The following TET3 variants were observed in gnomAD, a reference collection of about 807,000 sequenced individuals.
The protein encoded by TET3 is tet methylcytosine dioxygenase 3.
TET3 carries 19 observed loss-of-function variants against 141.4 expected under a neutral mutation model. The observed-to-expected ratio is 0.13, with a 90% CI of 0.09 to 0.20. The LOEUF (loss-of-function observed/expected upper bound fraction) is 0.20, where lower values mean the gene tolerates loss of function less well. Ranked by LOEUF, TET3 falls within the 10% of genes least tolerant of loss-of-function variation. The pLI, the probability that TET3 is intolerant of heterozygous loss-of-function variation, is 1.00. For missense variants in TET3, 1,874 were observed against 2,356.9 expected, an observed-to-expected ratio of 0.80 and a Z score of 4.24; for synonymous variants, 1,043 against 980.9, an observed-to-expected ratio of 1.06 and a Z score of -1.18.
In TET3 at chr2:74,099,309, G is replaced by C; in HGVS notation, c.3301G>C (p.Val1101Leu). 1 of 1,610,274 alleles carries C rather than the reference G, an allele frequency of 6.2e-7. No individual in the cohort carries two copies. Among genetic ancestry groups the C allele is most frequent in the South Asian group, 1.1e-5 (1 of 90,212 alleles). ...CCTGACCAAGGAAGACAATCGCTGC[G>C]TGGGCAAGATTCCCGAGGATGAGCA... ...CTLTKEDNRC[V>L]GKIPEDEQLH... Residue 1101 changes from valine (V) to leucine (L), a missense_variant, in exon 11 of 12, where the codon GTG becomes CTG. Transcript: ENST00000409262.
chr2:73,997,915 C>T (rs998464141), intron 2 of TET3, among the ~76,000 whole-genome samples: 2 of 152,134 alleles, frequency 1.3e-5, no homozygotes, highest in Admixed American at 6.5e-5. Flanking sequence ...AGAGACTGGC[C>T]TTAGTCACCT....
intron 4 of TET3, among the ~76,000 whole-genome samples, chr2:74,065,999 C>T (rs907497675): frequency 5.3e-5 from 8 of 152,092 alleles, no homozygotes; most frequent in East Asian, 3.9e-4. Context: ...CCTCGTGATC[C>T]GCCTGCCTTG....
chr2:74,076,446 T>G (rs1011360660), intron 5 of TET3, among the ~76,000 whole-genome samples: 5 of 93,776 alleles, frequency 5.3e-5, no homozygotes, highest in Admixed American at 1.9e-4. Flanking sequence ...TCTGGGTTTT[T>G]TTTTTTTTTT....
At chr2:74,058,865 GA>G (rs200470897) in intron 4 of TET3, among the ~76,000 whole-genome samples, 4 of 150,746 alleles carry the variant, frequency 2.7e-5, no homozygotes, top group South Asian at 2.1e-4. Flanking sequence ...TTAAATGGTT[GA>G]AAAAAAAAGT....
intron 4 of TET3, among the ~76,000 whole-genome samples, chr2:74,065,586 T>TCGTCCGTCCTTCCTTCCGTCCGTCCGTC (rs1688839098): frequency 1.4e-5 from 2 of 144,104 alleles, no homozygotes; most frequent in South Asian, 2.2e-4. Context: ...GTCACCTGGT[T>TCGTCCGTCCTTCCTTCCGTCCGTCCGTC]CGTCCGTCCT....
At chr2:74,081,685 T>A (rs1689836151) in intron 6 of TET3, among the ~76,000 whole-genome samples, 1 of 152,196 alleles carries the variant, frequency 6.6e-6, no homozygotes, top group African/African-American at 2.4e-5. Flanking sequence ...CATATGTCCA[T>A]CTGTGCATGT....
At chr2:74,067,624 A>G (rs1688979820) in intron 4 of TET3, among the ~76,000 whole-genome samples, 1 of 152,264 alleles carries the variant, frequency 6.6e-6, no homozygotes, top group African/African-American at 2.4e-5. Context: ...AGAAGTCCAG[A>G]GGGAAAACAC....
chr2:74,097,079 A>ATCT (rs1690877526), intron 10 of TET3, among the ~76,000 whole-genome samples: 1 of 151,052 alleles, frequency 6.6e-6, no homozygotes, highest in Non-Finnish European at 1.5e-5. Context: ...GCAATAGAGT[A>ATCT]AGACCTTATC....
At chr2:74,001,647 A>G (rs1028083683) in intron 2 of TET3, among the ~76,000 whole-genome samples, 1 of 152,120 alleles carries the variant, frequency 6.6e-6, no homozygotes, top group Non-Finnish European at 1.5e-5. Context: ...GTAGGGAACG[A>G]TGTGCCCTGG....
rs1690236401 is a variant in TET3 at position 74,087,680 on chromosome 2, C to T, written c.2680-150C>T. ...TTGTTCCCTAATAATGGTCTCTTAG[C>T]TTGTAAGGTTGCTGTCTTCAGGGCA... On this transcript the variant is annotated intron_variant, in intron 6 of 11. Coordinates refer to ENST00000409262, the MANE Select transcript of TET3 (RefSeq NM_001287491.2). This position sits in a 1 kb window ranked among gnomAD's most constrained non-coding sequence, Gnocchi z 4.3. 1.7e-6 allele frequency: 1 copy of T among 601,440 alleles called. No individual in the cohort carries two copies. Among genetic ancestry groups the T allele is most frequent in the Admixed American group, 3.5e-5 (1 of 28,598 alleles). The allele number at this position is 601,440 out of a possible 1,614,324, so 37.3% of individuals were successfully genotyped here.
the TET3 span, among the ~76,000 whole-genome samples, chr2:74,133,093 T>TA: frequency 1.5e-5 from 2 of 132,682 alleles, no homozygotes; most frequent in East Asian, 2.3e-4. Flanking sequence ...TTTTTTTTTT[T>TA]AGTTGAGACA....
rs1312716083 is a variant in TET3, at chr2:74,101,820, C to A, written c.5032C>A (p.Leu1678Ile). ...ARRELHATTPLKKPNRCHPTR... is the reference protein window; with the variant it reads ...ARRELHATTPIKKPNRCHPTR... ...GCGGGAGCTGCACGCCACCACGCCG[C>A]TTAAGAAGCCCAACCGCTGCCACCC... The change falls in exon 12 of 12, where the codon CTT (leucine) becomes ATT (isoleucine). Residue 1678 changes from leucine (L) to isoleucine (I), a missense_variant. Leu to Ile is a conservative substitution (Grantham distance 5). This residue lies in a region of TET3 where 41 missense variants were observed against 116.8 expected (regional missense o/e 0.35). Coordinates refer to ENST00000409262, the MANE Select transcript of TET3 (RefSeq NM_001287491.2). This position sits in a 1 kb window ranked among gnomAD's most constrained non-coding sequence, Gnocchi z 8.5. 6.2e-7 allele frequency: 1 copy of A among 1,613,036 alleles called. No homozygotes were observed. The highest frequency in any genetic ancestry group is 1.1e-5 in the South Asian group (1 of 91,086).
At chr2:74,069,145 ATTT>A (rs11322446) in intron 4 of TET3, among the ~76,000 whole-genome samples, 1 of 148,574 alleles carries the variant, frequency 6.7e-6, no homozygotes, top group Admixed American at 6.8e-5. Context: ...GTATAGTTTA[ATTT>A]TTTTTTTTAT....
chr2:73,998,411 T>A (rs191166974), intron 2 of TET3: 16 of 152,732 alleles, frequency 1.0e-4, no homozygotes, highest in Admixed American at 3.3e-4. Context: ...CCTGGATGCA[T>A]GCTGTTTGCT....
intron 2 of TET3, among the ~76,000 whole-genome samples, chr2:74,000,332 C>G (rs1382283639): frequency 1.3e-5 from 2 of 152,142 alleles, no homozygotes; most frequent in African/African-American, 4.8e-5. Flanking sequence ...GTAGGGAAGA[C>G]AGGGCCCCCG....
intron 3 of TET3, among the ~76,000 whole-genome samples, chr2:74,043,571 A>C (rs933902013): frequency 1.3e-5 from 2 of 152,196 alleles, no homozygotes; most frequent in Non-Finnish European, 2.9e-5. Context: ...AAGAGGTGAC[A>C]CTGAGCTGAT....
At chr2:74,114,043 G>C in the TET3 span, among the ~76,000 whole-genome samples, 1 of 152,080 alleles carries the variant, frequency 6.6e-6, no homozygotes, top group Non-Finnish European at 1.5e-5. Flanking sequence ...ACACTATCAG[G>C]CCTCAAAATA....
chr2:74,118,235 C>T, the TET3 span, among the ~76,000 whole-genome samples: 5 of 151,310 alleles, frequency 3.3e-5, no homozygotes, highest in South Asian at 6.2e-4. Context: ...TGAATAACAC[C>T]ATGGCACCCA....
chr2:74,000,598 C>T (rs1190102330), intron 2 of TET3, among the ~76,000 whole-genome samples: 1 of 152,088 alleles, frequency 6.6e-6, no homozygotes, highest in Non-Finnish European at 1.5e-5. Flanking sequence ...GGCATGAAAA[C>T]ATTACTAGAT....
Sources: gnomAD v4.1 joint callset for allele counts (sites outside exome capture counted in the v4.1 genomes callset) on GRCh38, gnomAD v4.1.1 for gene constraint, gnomAD v4.1.1 regional missense constraint, Gnocchi (gnomAD v3.1) non-coding constraint, MANE v1.5 for transcripts, NCBI Gene and HGNC (gene_info 2026-07-23, HGNC 2026-07-21) for gene names.